The following ASXL2 variants were observed in gnomAD, a reference collection of about 807,000 sequenced individuals.
ASXL2 encodes the protein putative Polycomb group protein ASXL2.
In ASXL2, 23 loss-of-function variants were observed where a neutral mutation model predicts 122.0. The observed-to-expected ratio is 0.19, with a 90% CI of 0.14 to 0.27. ASXL2 has a LOEUF of 0.27. ASXL2 is among the 10% of genes least tolerant of loss of function. The pLI, the probability that ASXL2 is intolerant of heterozygous loss-of-function variation, is 1.00. For synonymous variants in ASXL2, 650 were observed against 637.0 expected (o/e 1.02, Z -0.31); for missense variants, 1,518 against 1,713.8 (o/e 0.89, Z 2.02).
intron 5 of ASXL2, among the ~76,000 whole-genome samples, chr2:25,778,667 G>A (rs977234159): frequency 6.6e-6 from 1 of 152,058 alleles, no homozygotes; most frequent in Non-Finnish European, 1.5e-5. Context: ...TATATACTTA[G>A]CACCCAAATC....
At chr2:25,752,548 A>G (rs1490062143) in intron 11 of ASXL2, among the ~76,000 whole-genome samples, 1 of 152,142 alleles carries the variant, frequency 6.6e-6, no homozygotes, top group East Asian at 1.9e-4. Flanking sequence ...TAAAAAGTGG[A>G]CAGAACCTCA....
intron 4 of ASXL2, among the ~76,000 whole-genome samples, chr2:25,801,186 T>C (rs1355272355): frequency 2.0e-5 from 3 of 152,192 alleles, no homozygotes; most frequent in African/African-American, 7.2e-5. Context: ...CCTCTTGCCT[T>C]AGCCTCCCAA....
At chr2:25,844,295 T>A (rs1326367138) in intron 2 of ASXL2, among the ~76,000 whole-genome samples, 1 of 152,132 alleles carries the variant, frequency 6.6e-6, no homozygotes, top group African/African-American at 2.4e-5. Context: ...GAACACTGAC[T>A]ATTGGCCAGG....
At chr2:25,808,575 G>A (rs1400315762) in intron 3 of ASXL2, among the ~76,000 whole-genome samples, 1 of 152,150 alleles carries the variant, frequency 6.6e-6, no homozygotes, top group Non-Finnish European at 1.5e-5. Context: ...CAGGTGATCT[G>A]CCCACCTCAG....
chr2:25,790,415 C>A (rs1027225217), intron 5 of ASXL2, among the ~76,000 whole-genome samples: 6 of 150,420 alleles, frequency 4.0e-5, no homozygotes, highest in African/African-American at 1.5e-4. Context: ...AAAATAAGAC[C>A]TTGGTTAAAA....
chr2:25,793,723 T>C (rs947304368), intron 5 of ASXL2, among the ~76,000 whole-genome samples: 20 of 152,236 alleles, frequency 1.3e-4, no homozygotes, highest in Non-Finnish European at 2.4e-4. Context: ...TAACAGGTCT[T>C]TCTTTAGAGG....
intron 5 of ASXL2, among the ~76,000 whole-genome samples, chr2:25,786,864 C>T (rs1426200461): frequency 2.0e-5 from 3 of 150,418 alleles, no homozygotes; most frequent in Non-Finnish European, 4.4e-5. Context: ...CAAAAACAAA[C>T]AAACAAAAAT....
intron 12 of ASXL2, among the ~76,000 whole-genome samples, chr2:25,747,319 G>C (rs1339292946): frequency 6.6e-6 from 1 of 152,064 alleles, no homozygotes; most frequent in Non-Finnish European, 1.5e-5. Context: ...ACTACATTGT[G>C]AATTTTGTTT....
In ASXL2 at chr2:25,743,980, C is replaced by T. The variant is rs542098525; in HGVS notation, c.2357G>A (p.Ser786Asn). Residue 786 changes from serine to asparagine, a missense_variant, in exon 13 of 13, where the codon AGT becomes AAT. By Grantham distance (46) the Ser-to-Asn change is conservative (BLOSUM62 1). Around this residue, in one of 8 missense-constraint regions of ASXL2, gnomAD observed 831 missense variants for 833.1 expected, o/e 1.00. Transcript: ENST00000435504. ...TPPVPPTPAV[S>N]GACTSVPSPA... ...TGATGGGACACTTGTGCATGCTCCACTGACGGCAGGTGTTGGAGGCACTGG... is the reference window on the plus strand; with the variant it reads ...TGATGGGACACTTGTGCATGCTCCATTGACGGCAGGTGTTGGAGGCACTGG... 1.2e-6 allele frequency: 2 copies of T among 1,614,026 alleles called. No individual in the cohort carries two copies. Among genetic ancestry groups the T allele is most frequent in the South Asian group, 2.2e-5 (2 of 91,076 alleles).
In ASXL2 at chr2:25,743,449, G is replaced by T; in HGVS notation, c.2888C>A (p.Pro963His). 3 of 1,613,772 alleles carry T rather than the reference G, an allele frequency of 1.9e-6. No homozygotes were observed. The highest frequency in any genetic ancestry group is 2.5e-6 in the Non-Finnish European group (3 of 1,179,888). ...AGGTTTAGGCAGAATTTGCTCCATG[G>T]GAACATCTTTGCCTTGAAGCAGCTG... ...VTQLLQGKDV[P>H]MEQILPKPLT... Residue 963 changes from proline to histidine, a missense_variant, in exon 13 of 13, where the codon CCC becomes CAC. By Grantham distance (77) the Pro-to-His change is moderately conservative. This residue lies in a region of ASXL2 where 831 missense variants were observed against 833.1 expected (regional missense o/e 1.00). Transcript: ENST00000435504.
chr2:25,779,528 G>A (rs964158833), intron 5 of ASXL2, among the ~76,000 whole-genome samples: 1 of 152,092 alleles, frequency 6.6e-6, no homozygotes, highest in Non-Finnish European at 1.5e-5. Flanking sequence ...TTGAAATTAA[G>A]ACTACTGAAT....
At chr2:25,843,814 T>TAAAAAAAAAAAAAAA (rs541446675) in intron 2 of ASXL2, among the ~76,000 whole-genome samples, 6 of 86,536 alleles carry the variant, frequency 6.9e-5, no homozygotes, top group African/African-American at 1.4e-4. Flanking sequence ...CTCCATCTCT[T>TAAAAAAAAAAAAAAA]AAAAAAAAAA....
At chr2:25,774,225 C>T (rs1472878137) in intron 5 of ASXL2, among the ~76,000 whole-genome samples, 3 of 151,904 alleles carry the variant, frequency 2.0e-5, no homozygotes. Flanking sequence ...TTTACTTATA[C>T]AAACAACCTG....
intron 1 of ASXL2, among the ~76,000 whole-genome samples, chr2:25,874,357 C>T (rs1309355045): frequency 1.3e-5 from 2 of 152,096 alleles, no homozygotes; most frequent in Admixed American, 6.6e-5. Flanking sequence ...GGTATGGCAG[C>T]GCATGCCTGT....
chr2:25,792,903 G>A (rs536714106), intron 5 of ASXL2, among the ~76,000 whole-genome samples: 3 of 152,152 alleles, frequency 2.0e-5, no homozygotes, highest in Admixed American at 2.0e-4. Flanking sequence ...ACCGCACTCG[G>A]CTGATAAATT....
At chr2:25,798,406 A>G (rs996983282) in intron 5 of ASXL2, among the ~76,000 whole-genome samples, 9 of 152,212 alleles carry the variant, frequency 5.9e-5, no homozygotes, top group African/African-American at 2.2e-4. Flanking sequence ...AGGAAAGCCA[A>G]TCTGAAAAGG....
In ASXL2 at chr2:25,860,253, G is replaced by A. The variant is rs549945907; in HGVS notation, c.58-14690C>T. Among the ~76,000 whole-genome samples the A allele has an allele frequency of 7.0e-4, 106 of 152,224 alleles. No homozygotes were observed. In the South Asian group the frequency reaches 0.022, roughly 31 times the overall value. Reference sequence around the variant, plus strand: ...TTGAACCCGGGAGGCAGAGGTTGCAGTGGGCCGAGGTCGCGCCACTGCACT... The same window carrying A: ...TTGAACCCGGGAGGCAGAGGTTGCAATGGGCCGAGGTCGCGCCACTGCACT... On this transcript the variant is annotated intron_variant, in intron 1 of 12. Transcript: ENST00000435504.
chr2:25,763,090 G>A (rs1278709861), intron 8 of ASXL2, among the ~76,000 whole-genome samples: 1 of 152,144 alleles, frequency 6.6e-6, no homozygotes, highest in Non-Finnish European at 1.5e-5. Flanking sequence ...TGAAAGAACA[G>A]GGAGAACTGG....
At chr2:25,757,928 A>C (rs1351867223) in intron 9 of ASXL2, among the ~76,000 whole-genome samples, 8 of 151,328 alleles carry the variant, frequency 5.3e-5, no homozygotes, top group African/African-American at 1.4e-4. Context: ...TAACAAAAAA[A>C]AAAAAAAAAA....
Sources: gnomAD v4.1 joint callset for allele counts (sites outside exome capture counted in the v4.1 genomes callset) on GRCh38, gnomAD v4.1.1 for gene constraint, gnomAD v4.1.1 regional missense constraint, MANE v1.5 for transcripts, NCBI Gene and HGNC (gene_info 2026-07-23, HGNC 2026-07-21) for gene names.